Variants in MYO1E observed in about 807,000 individuals in gnomAD.
MYO1E encodes myosin IE, also known as unconventional myosin-Ie.
A neutral mutation model predicts 151.1 loss-of-function variants in MYO1E; 68 were observed. The observed-to-expected ratio is 0.45, with a 90% CI of 0.37 to 0.55. The LOEUF is 0.55. MYO1E is among the 20% of genes least tolerant of loss of function. The probability of loss-of-function intolerance (pLI) is 0.00; values close to 1 mark genes in which losing one functional copy is unlikely to be tolerated. For missense variants in MYO1E, 1,363 were observed against 1,389.3 expected, an observed-to-expected ratio of 0.98 and a Z score of 0.30; for synonymous variants, 601 against 501.7, an observed-to-expected ratio of 1.20 and a Z score of -2.64.
chr15:59,187,182 C>G (rs1332430091), intron 18 of MYO1E, among the ~76,000 whole-genome samples: 1 of 152,098 alleles, frequency 6.6e-6, no homozygotes, highest in Non-Finnish European at 1.5e-5. Flanking sequence ...CTAATGAATA[C>G]TTATGGCTAC....
intron 12 of MYO1E, among the ~76,000 whole-genome samples, chr15:59,213,224 G>A (rs1437513022): frequency 6.6e-6 from 1 of 151,530 alleles, no homozygotes; most frequent in African/African-American, 2.4e-5. Context: ...AGGCTGGAGT[G>A]CAGTGGCACG....
At chr15:59,371,722 CG>C (rs750224123) in intron 1 of MYO1E, among the ~76,000 whole-genome samples, 63 of 152,282 alleles carry the variant, frequency 4.1e-4, no homozygotes, top group Non-Finnish European at 6.8e-4. Flanking sequence ...CGAAAAGCCC[CG>C]ATCCCCTCGC....
At chr15:59,181,119 C>G (rs915385629) in intron 18 of MYO1E, among the ~76,000 whole-genome samples, 2 of 152,244 alleles carry the variant, frequency 1.3e-5, no homozygotes, top group East Asian at 3.9e-4. Flanking sequence ...GCCAGGAGAA[C>G]GCTCTCCACC....
intron 1 of MYO1E, among the ~76,000 whole-genome samples, chr15:59,313,221 T>G (rs545304303): frequency 6.6e-6 from 1 of 152,338 alleles, no homozygotes; most frequent in Non-Finnish European, 1.5e-5. Context: ...GCTCTTGATA[T>G]AACCCAAATG....
Position 59,350,871 on chromosome 15 carries a change from T to G in MYO1E, c.3+21627A>C, listed in dbSNP as rs867183429. Among the ~76,000 whole-genome samples, 4 of 152,048 alleles carry G rather than the reference T, an allele frequency of 2.6e-5. No individual in the cohort carries two copies. Among genetic ancestry groups the G allele is most frequent in the African/African-American group, 9.7e-5 (4 of 41,422 alleles). ...GAAATGAGTCTTTATTTGTTGTTGT[T>G]GTTGTTTGTTTGGTTGGTTGGTTTT... is the stretch of plus-strand genomic sequence containing the variant. On this transcript the variant is annotated intron_variant, in intron 1 of 27. Transcript: ENST00000288235. This position sits in a 1 kb window ranked among gnomAD's most constrained non-coding sequence, Gnocchi z 5.0.
At chr15:59,184,323 T>G (rs1345331288) in intron 18 of MYO1E, among the ~76,000 whole-genome samples, 9 of 151,912 alleles carry the variant, frequency 5.9e-5, no homozygotes, top group African/African-American at 1.2e-4. Context: ...TCATTATTTT[T>G]TATGCCTGAA....
chr15:59,209,137 T>A (rs2079860359), intron 13 of MYO1E: 2 of 467,098 alleles, frequency 4.3e-6, no homozygotes. Flanking sequence ...CATGCCAAAT[T>A]GACTTGCTTA....
At chr15:59,232,349 T>TA (rs1237763643) in intron 5 of MYO1E, among the ~76,000 whole-genome samples, 1 of 152,220 alleles carries the variant, frequency 6.6e-6, no homozygotes, top group African/African-American at 2.4e-5. Flanking sequence ...GTGGACTTAG[T>TA]AGGTTGGGGT....
intron 18 of MYO1E, among the ~76,000 whole-genome samples, chr15:59,179,957 G>C (rs1355525238): frequency 6.6e-6 from 1 of 152,234 alleles, no homozygotes; most frequent in Non-Finnish European, 1.5e-5. Context: ...AGCGAAGCCA[G>C]GGCCCTCCTT....
intron 26 of MYO1E, among the ~76,000 whole-genome samples, chr15:59,143,728 A>T (rs1180412791): frequency 6.6e-6 from 1 of 152,112 alleles, no homozygotes; most frequent in East Asian, 1.9e-4. Context: ...TGCTGGTTTC[A>T]TCCCTGGCCA....
chr15:59,216,243 C>G (rs938560351), intron 10 of MYO1E, among the ~76,000 whole-genome samples: 8 of 151,976 alleles, frequency 5.3e-5, no homozygotes, highest in Non-Finnish European at 7.4e-5. Flanking sequence ...CTAGGGCCTC[C>G]TAGATCACTC....
chr15:59,161,098 G>C lies in MYO1E; in HGVS notation c.2760C>G (p.Ile920Met). Residue 920 changes from isoleucine to methionine, a missense_variant, in exon 24 of 28, where the codon ATC becomes ATG. Transcript: ENST00000288235. The stretch of plus-strand genomic sequence containing the variant: ...GGGAGTTCTTGGGCAGTCCAGGTCC[G>C]ATGCTGACCTGCAGCACTTTGTTAC... ...KPSNKVLQVS[I>M]GPGLPKNSRP... 5 of 1,613,764 alleles carry C rather than the reference G, an allele frequency of 3.1e-6. No homozygotes were observed. Among genetic ancestry groups the C allele is most frequent in the Non-Finnish European group, 4.2e-6 (5 of 1,180,022 alleles).
Position 59,316,578 on chromosome 15 carries a change from G to A in MYO1E, c.4-44129C>T, listed in dbSNP as rs369735210. Among the ~76,000 whole-genome samples, 19 of 152,232 alleles carry A rather than the reference G, an allele frequency of 1.2e-4. No individual in the cohort carries two copies. The East Asian group carries it at 2.3e-3, about 19-fold the overall frequency. On this transcript the variant is annotated intron_variant, in intron 1 of 27. Coordinates refer to ENST00000288235, the MANE Select transcript of MYO1E (RefSeq NM_004998.4). ...ATATTAAGACCAAATAACTGCATAC[G>A]CTTTTTTACATTTGTCTTTCCTACA...
intron 1 of MYO1E, among the ~76,000 whole-genome samples, chr15:59,300,001 A>T (rs2080472517): frequency 6.6e-6 from 1 of 152,112 alleles, no homozygotes; most frequent in South Asian, 2.1e-4. Flanking sequence ...TCCTAACTGG[A>T]ACCCCTAAAT....
rs8024923 is a variant in MYO1E, at chr15:59,173,823, C to G, written c.2257G>C (p.Glu753Gln). The G allele has an allele frequency of 6.2e-7, 1 of 1,613,958 alleles. No individual in the cohort carries two copies. The highest frequency in any genetic ancestry group is 8.5e-7 in the Non-Finnish European group (1 of 1,179,978). ...GDYIGMEEHPELQQFVGKREK... is the reference protein window; with the variant it reads ...GDYIGMEEHPQLQQFVGKREK... Reference sequence around the variant, plus strand: ...CTCTTGCCCACGAACTGCTGGAGTTCTGGGTGCTCTTCCATCCCAATATAA... The same window carrying G: ...CTCTTGCCCACGAACTGCTGGAGTTGTGGGTGCTCTTCCATCCCAATATAA... Residue 753 changes from glutamate (E) to glutamine (Q), a missense_variant, in exon 21 of 28, where the codon GAA (glutamate) becomes CAA (glutamine). Glu to Gln is a conservative substitution (Grantham distance 29). Transcript: ENST00000288235.
rs1185420515 is a variant in MYO1E at position 59,304,214 on chromosome 15, C to T, written c.4-31765G>A. On this transcript the variant is annotated intron_variant, in intron 1 of 27. Transcript: ENST00000288235. ...GTCAAGCTGGTCTCAAACTCCTGAC[C>T]TCAGGTGAGTCATCTGCCTTGGCCT... Among the ~76,000 whole-genome samples, 6 of 152,112 alleles carry T rather than the reference C, an allele frequency of 3.9e-5. No homozygotes were observed. The South Asian group carries it at 6.2e-4, about 16-fold the overall frequency.
At chr15:59,264,576 A>G (rs2080242412) in intron 2 of MYO1E, among the ~76,000 whole-genome samples, 1 of 152,242 alleles carries the variant, frequency 6.6e-6, no homozygotes, top group African/African-American at 2.4e-5. Flanking sequence ...CTGAAATTCA[A>G]ACTTAACCAG....
intron 21 of MYO1E, 152 bp from the exon 22 acceptor site, chr15:59,172,194 T>C (rs1466984048): frequency 1.1e-6 from 1 of 879,046 alleles, no homozygotes; most frequent in African/African-American, 1.7e-5. Context: ...CCGTCTCTAC[T>C]GAAAATACAA....
rs553851557 is a variant in MYO1E, at chr15:59,136,801, C to T, written c.*579G>A. The T allele has an allele frequency of 3.2e-4, 146 of 456,034 alleles. No homozygotes were observed. The highest frequency in any genetic ancestry group is 5.2e-4 in the Non-Finnish European group (118 of 226,722). The allele number at this position is 456,034 out of a possible 1,614,324, so 28.2% of individuals were successfully genotyped here. ...ACCTGCTTGGCGGCCCTGATGGTCC[C>T]GGCAAAGTGTAAACCAGTGCCCCTC... On this transcript the variant is annotated 3_prime_UTR_variant, in exon 28 of 28. Coordinates refer to ENST00000288235, the MANE Select transcript of MYO1E (RefSeq NM_004998.4).
Sources: gnomAD v4.1 joint callset for allele counts (sites outside exome capture counted in the v4.1 genomes callset) on GRCh38, gnomAD v4.1.1 for gene constraint, Gnocchi (gnomAD v3.1) non-coding constraint, MANE v1.5 for transcripts, NCBI Gene and HGNC (gene_info 2026-07-23, HGNC 2026-07-21) for gene names.